ABCC12: variants seen among roughly 807,000 people sequenced by gnomAD.
ABCC12 encodes ATP-binding cassette sub-family C member 12.
Under a neutral mutation model 151.1 loss-of-function variants are expected in ABCC12, and 142 were observed. The ratio of observed to expected loss-of-function variants is 0.94; its 90% confidence interval spans 0.82 to 1.08. The LOEUF (loss-of-function observed/expected upper bound fraction) is 1.08. Ranked by LOEUF, ABCC12 falls within the 50% of genes least tolerant of loss-of-function variation. ABCC12 has a pLI of 0.00. For missense variants in ABCC12, 1,638 were observed against 1,691.1 expected (o/e 0.97, Z 0.55); for synonymous variants, 645 against 646.4 (o/e 1.00, Z 0.03).
At chr16:48,113,774 C>G (rs1385220658) in intron 15 of ABCC12, among the ~76,000 whole-genome samples, 1 of 152,178 alleles carries the variant, frequency 6.6e-6, no homozygotes, top group South Asian at 2.1e-4. Context: ...GAAGATGGCT[C>G]CTGCCTGAGG....
chr16:48,141,014 G>A, intron 5 of ABCC12, 94 bp from the exon 6 acceptor site: 1 of 1,419,798 alleles, frequency 7.0e-7, no homozygotes, highest in Admixed American at 2.3e-5. Context: ...GACTTTAAGA[G>A]GCAAACTTTT....
intron 25 of ABCC12, among the ~76,000 whole-genome samples, chr16:48,090,846 G>C (rs1033297728): frequency 2.0e-5 from 3 of 152,056 alleles, no homozygotes; most frequent in Admixed American, 2.0e-4. Context: ...GAGTAGCTGG[G>C]ATTACCACCG....
In ABCC12 at chr16:48,083,896, G is replaced by A; in HGVS notation, c.3993+13C>T. 6.2e-7 allele frequency: 1 copy of A among 1,612,492 alleles called. No individual in the cohort carries two copies. Among genetic ancestry groups the A allele is most frequent in the Non-Finnish European group, 8.5e-7 (1 of 1,179,606 alleles). Reference sequence around the variant, plus strand: ...ACTTTCTGGGGAGGTGAAGCCAAAAGAGCTTCCTATACCTTCCCATTTTCC... The same window carrying A: ...ACTTTCTGGGGAGGTGAAGCCAAAAAAGCTTCCTATACCTTCCCATTTTCC... On this transcript the variant is annotated intron_variant, in intron 30 of 30. Coordinates refer to ENST00000311303, the MANE Select transcript of ABCC12 (RefSeq NM_001393797.1).
chr16:48,133,695 C>A lies in ABCC12; in HGVS notation c.1120G>T (p.Ala374Ser). 6.2e-7 allele frequency: 1 copy of A among 1,613,678 alleles called. No individual in the cohort carries two copies. The highest frequency in any genetic ancestry group is 8.5e-7 in the Non-Finnish European group (1 of 1,179,870). ...CTGGAGCCAGCTCTTACCACGGGTG[C>A]GGTGAGTTTGCGTCTCAGGAGGATG... is the stretch of plus-strand genomic sequence containing the variant. ...CHILLRRKLTAPVAFSVIAMF... is the reference protein window; with the variant it reads ...CHILLRRKLTSPVAFSVIAMF... The change falls in exon 9 of 31, where the codon GCA (alanine) becomes TCA (serine). Residue 374 changes from alanine to serine, a missense_variant. By Grantham distance (99) the Ala-to-Ser change is moderately conservative. Coordinates refer to ENST00000311303, the MANE Select transcript of ABCC12 (RefSeq NM_001393797.1).
At chr16:48,146,754 G>A (rs142244937) in intron 2 of ABCC12, 74 of 243,926 alleles carry the variant, frequency 3.0e-4, no homozygotes, top group Admixed American at 2.0e-4. Context: ...GTTGGGAGCC[G>A]GTCCAATGAC....
chr16:48,087,843 TGCCCTGG>T, intron 27 of ABCC12, 76 bp downstream of exon 27: 1 of 1,463,512 alleles, frequency 6.8e-7, no homozygotes, highest in Non-Finnish European at 9.3e-7. Context: ...AGGCCAGCCA[TGCCCTGG>T]GGACATCACA....
intron 1 of ABCC12, among the ~76,000 whole-genome samples, chr16:48,154,372 TA>T (rs1017757001): frequency 5.5e-4 from 82 of 148,752 alleles, no homozygotes; most frequent in Middle Eastern, 7.0e-3. Context: ...GATACCACAT[TA>T]AAAAAAAAAT....
intron 23 of ABCC12, 115 bp from the exon 24 acceptor site, chr16:48,097,017 G>T: frequency 7.9e-7 from 1 of 1,266,314 alleles, no homozygotes. Context: ...TGAGGCCAAG[G>T]AATTTTTAAT....
intron 21 of ABCC12, among the ~76,000 whole-genome samples, chr16:48,104,591 A>ACC: frequency 1.3e-5 from 2 of 151,862 alleles, no homozygotes; most frequent in East Asian, 3.9e-4. Context: ...GTCCCGAGAG[A>ACC]CCCCCTATAG....
intron 23 of ABCC12, among the ~76,000 whole-genome samples, chr16:48,099,474 AT>A (rs1247580040): frequency 6.6e-6 from 1 of 152,234 alleles, no homozygotes; most frequent in Non-Finnish European, 1.5e-5. Flanking sequence ...TTAGAACTGC[AT>A]CTAATTCTTT....
Position 48,139,243 on chromosome 16 carries a change from A to G in ABCC12, c.751T>C (p.Cys251Arg), listed in dbSNP as rs779649390. The G allele has an allele frequency of 1.2e-6, 2 of 1,614,214 alleles. No homozygotes were observed. The highest frequency in any genetic ancestry group is 2.2e-5 in the South Asian group (2 of 91,084). The change falls in exon 7 of 31, where the codon TGT becomes CGT. Residue 251 changes from cysteine to arginine, a missense_variant. By Grantham distance (180) the Cys-to-Arg change is radical. Coordinates refer to ENST00000311303, the MANE Select transcript of ABCC12 (RefSeq NM_001393797.1). ...AGAATGAAAAAGGCGTACGCCGCAC[A>G]AAAGACCATTAGGATCGGGATGGTG... ...PATIPILMVF[C>R]AAYAFFILGP...
intron 27 of ABCC12, 190 bp downstream of exon 27, chr16:48,087,736 C>T (rs1462403558): frequency 2.8e-5 from 16 of 562,484 alleles, no homozygotes; most frequent in Admixed American, 6.4e-5. Context: ...GCTCAGACCC[C>T]GGGCCCTGGC....
intron 8 of ABCC12, among the ~76,000 whole-genome samples, chr16:48,134,843 G>A (rs1567455903): frequency 6.6e-6 from 1 of 152,046 alleles, no homozygotes; most frequent in Non-Finnish European, 1.5e-5. Context: ...ACGAGGTCAG[G>A]AGATCAAGAC....
chr16:48,114,405 A>G (rs184661833), intron 15 of ABCC12, among the ~76,000 whole-genome samples: 2 of 152,158 alleles, frequency 1.3e-5, no homozygotes, highest in African/African-American at 4.8e-5. Context: ...ATTTGCTGCT[A>G]TTGCCCCTCC....
rs2150624963 is a variant in ABCC12 at position 48,115,452 on chromosome 16, CT to C, written c.1951del (p.Arg651GlyfsTer8). ...VFEECIKKTL[R>X]GKTVVLVTHQ... The stretch of plus-strand genomic sequence containing the variant: ...GGTCACCAGGACGACTGTCTTTCCC[CT>C]GAGCGTCTTCTTAATGCACTCCTCA... On this transcript the variant is annotated frameshift_variant, in exon 15 of 31. Coordinates refer to ENST00000311303, the MANE Select transcript of ABCC12 (RefSeq NM_001393797.1). LOFTEE classifies it high-confidence loss of function. 6.2e-7 allele frequency: 1 copy of C among 1,614,124 alleles called. No homozygotes were observed. The highest frequency in any genetic ancestry group is 8.5e-7 in the Non-Finnish European group (1 of 1,179,968).
chr16:48,154,910 C>T (rs1374785049), intron 1 of ABCC12, among the ~76,000 whole-genome samples: 1 of 152,204 alleles, frequency 6.6e-6, no homozygotes, highest in Non-Finnish European at 1.5e-5. Flanking sequence ...TTAAAGCCAC[C>T]AAAGTTATCA....
At chr16:48,086,675 T>A in intron 28 of ABCC12, 66 bp downstream of exon 28, 1 of 1,424,194 alleles carries the variant, frequency 7.0e-7, no homozygotes, top group South Asian at 1.2e-5. Context: ...AATTTAAACA[T>A]AGGCCAGGAA....
intron 2 of ABCC12, among the ~76,000 whole-genome samples, chr16:48,152,513 T>C (rs1268734256): frequency 1.3e-5 from 2 of 152,146 alleles, no homozygotes; most frequent in Admixed American, 6.5e-5. Flanking sequence ...CTTGGTAACC[T>C]GAGCAAAGCA....
chr16:48,127,198 G>A (rs1023128041), intron 11 of ABCC12, among the ~76,000 whole-genome samples: 1 of 152,118 alleles, frequency 6.6e-6, no homozygotes, highest in Non-Finnish European at 1.5e-5. Flanking sequence ...CTTCTATAGC[G>A]CTTGCACAGG....
Sources: gnomAD v4.1 joint callset for allele counts (sites outside exome capture counted in the v4.1 genomes callset) on GRCh38, gnomAD v4.1.1 for gene constraint, MANE v1.5 for transcripts, NCBI Gene and HGNC (gene_info 2026-07-23, HGNC 2026-07-21) for gene names.